The following LSAMP variants were observed in gnomAD, a reference collection of about 807,000 sequenced individuals.
LSAMP encodes the protein limbic system associated membrane protein.
A neutral mutation model predicts 38.6 loss-of-function variants in LSAMP; 7 were observed. The ratio of observed to expected loss-of-function variants is 0.18; its 90% CI spans 0.10 to 0.34. LSAMP has a LOEUF of 0.34. Among genes scored for constraint, LSAMP ranks in the 10% least tolerant of loss-of-function variants. The pLI, the probability that LSAMP is intolerant of heterozygous loss-of-function variation, is 1.00. For missense variants in LSAMP, 313 were observed against 420.0 expected, an observed-to-expected ratio of 0.75 and a Z score of 2.23; for synonymous variants, 154 against 166.8, an observed-to-expected ratio of 0.92 and a Z score of 0.59.
intron 1 of LSAMP, among the ~76,000 whole-genome samples, chr3:116,091,802 TA>T (rs1297863232): frequency 1.3e-5 from 2 of 152,246 alleles, no homozygotes; most frequent in Non-Finnish European, 2.9e-5. Flanking sequence ...AACCGGACCC[TA>T]ATGACAATGG....
chr3:115,895,145 C>T (rs1431799765), intron 3 of LSAMP, among the ~76,000 whole-genome samples: 4 of 152,076 alleles, frequency 2.6e-5, no homozygotes, highest in Non-Finnish European at 5.9e-5. Flanking sequence ...TAAATGCAGG[C>T]TTTTGTCCTT....
chr3:115,919,474 T>C (rs1030661124), intron 3 of LSAMP, among the ~76,000 whole-genome samples: 1 of 152,134 alleles, frequency 6.6e-6, no homozygotes, highest in East Asian at 1.9e-4. Context: ...GAGGTCAGGT[T>C]TGGGTTGAGC....
At chr3:116,319,686 C>T (rs1211169764) in intron 1 of LSAMP, among the ~76,000 whole-genome samples, 1 of 152,144 alleles carries the variant, frequency 6.6e-6, no homozygotes, top group Non-Finnish European at 1.5e-5. Context: ...GGTCAGCTCA[C>T]TAGCCTCAGG....
At chr3:116,137,504 T>C (rs140328518) in intron 1 of LSAMP, among the ~76,000 whole-genome samples, 2 of 152,282 alleles carry the variant, frequency 1.3e-5, no homozygotes, top group East Asian at 3.9e-4. Flanking sequence ...TTAAGAAACT[T>C]ACACTAGTTA....
At chr3:116,124,235 A>T (rs967213601) in intron 1 of LSAMP, among the ~76,000 whole-genome samples, 4 of 152,032 alleles carry the variant, frequency 2.6e-5, no homozygotes, top group Non-Finnish European at 5.9e-5. Context: ...TGTTGTAAAA[A>T]TTTTTTCCAT....
At chr3:116,210,662 A>C (rs1038822597) in intron 1 of LSAMP, among the ~76,000 whole-genome samples, 11 of 152,292 alleles carry the variant, frequency 7.2e-5, no homozygotes, top group East Asian at 3.9e-4. Context: ...CAATTCTCCT[A>C]ATAAACTCCC....
chr3:116,236,897 T>A (rs2046471591), intron 1 of LSAMP, among the ~76,000 whole-genome samples: 14 of 151,808 alleles, frequency 9.2e-5, no homozygotes, highest in Admixed American at 9.2e-4. Flanking sequence ...CTATACTAGA[T>A]GACTTATAAG....
chr3:116,176,128 T>C (rs1267961773), intron 1 of LSAMP, among the ~76,000 whole-genome samples: 2 of 152,090 alleles, frequency 1.3e-5, no homozygotes, highest in African/African-American at 4.8e-5. Flanking sequence ...AGTTCAGTCA[T>C]TATCCTCACT....
intron 1 of LSAMP, among the ~76,000 whole-genome samples, chr3:116,089,558 C>T (rs1204725375): frequency 2.0e-5 from 3 of 152,152 alleles, no homozygotes; most frequent in African/African-American, 7.2e-5. Context: ...GGGGTTTCAG[C>T]GTGTTAGCCA....
At chr3:116,184,217 T>C (rs1303590052) in intron 1 of LSAMP, among the ~76,000 whole-genome samples, 2 of 151,914 alleles carry the variant, frequency 1.3e-5, no homozygotes, top group South Asian at 2.1e-4. Flanking sequence ...AAACTTTGCA[T>C]GTATCAACTA....
intron 3 of LSAMP, among the ~76,000 whole-genome samples, chr3:115,975,089 T>C (rs1301020388): frequency 6.6e-6 from 1 of 152,134 alleles, no homozygotes; most frequent in Non-Finnish European, 1.5e-5. Flanking sequence ...TGGAAGATTA[T>C]GGATCCTATT....
intron 1 of LSAMP, among the ~76,000 whole-genome samples, chr3:116,420,822 A>G (rs2049112355): frequency 6.6e-6 from 1 of 152,102 alleles, no homozygotes; most frequent in Admixed American, 6.5e-5. Flanking sequence ...GGTCACAGTG[A>G]GTGGAGCTCA....
intron 1 of LSAMP, among the ~76,000 whole-genome samples, chr3:116,339,624 C>A (rs1038535943): frequency 6.6e-6 from 1 of 151,944 alleles, no homozygotes; most frequent in Non-Finnish European, 1.5e-5. Context: ...GGAGGTGATA[C>A]TCGGTGATTT....
chr3:116,010,109 G>C (rs1167026013), intron 3 of LSAMP, among the ~76,000 whole-genome samples: 1 of 152,090 alleles, frequency 6.6e-6, no homozygotes, highest in Non-Finnish European at 1.5e-5. Flanking sequence ...TAGAGATGGG[G>C]TTTCACCATG....
At position 116,221,442 on chromosome 3, in the gene LSAMP, G is replaced by T. The variant is rs143973938; in HGVS notation, c.156-134886C>A. ...CCCATCCCAGCTCTGAACTAGCTAC[G>T]CTCTGAACTAGCTAGGGAAGTCATT... On this transcript the variant is annotated intron_variant, in intron 1 of 6. Transcript: ENST00000490035. Among the ~76,000 whole-genome samples, 3 of 152,204 alleles carry T rather than the reference G, an allele frequency of 2.0e-5. No homozygotes were observed. In the South Asian group the frequency reaches 6.2e-4, roughly 32 times the overall value.
intron 3 of LSAMP, among the ~76,000 whole-genome samples, chr3:115,890,236 A>AT (rs1200807503): frequency 1.3e-5 from 2 of 151,956 alleles, no homozygotes; most frequent in Non-Finnish European, 2.9e-5. Flanking sequence ...TCTCTGGGAC[A>AT]TTTTGCAAAC....
chr3:116,200,933 A>G (rs1372030366), intron 1 of LSAMP, among the ~76,000 whole-genome samples: 3 of 152,176 alleles, frequency 2.0e-5, no homozygotes, highest in Non-Finnish European at 2.9e-5. Context: ...AAACTCTTCA[A>G]GGGAAACATT....
At chr3:116,407,057 AT>A (rs1393440694) in intron 1 of LSAMP, among the ~76,000 whole-genome samples, 2 of 151,998 alleles carry the variant, frequency 1.3e-5, no homozygotes. Context: ...CACTAATTGA[AT>A]TTTTTTAATT....
intron 1 of LSAMP, among the ~76,000 whole-genome samples, chr3:116,276,697 A>G (rs2047058197): frequency 1.3e-5 from 2 of 151,420 alleles, no homozygotes; most frequent in African/African-American, 4.9e-5. Flanking sequence ...AAAAAAAAAA[A>G]GAAAACAGGG....
Sources: gnomAD v4.1 joint callset for allele counts (sites outside exome capture counted in the v4.1 genomes callset) on GRCh38, gnomAD v4.1.1 for gene constraint, MANE v1.5 for transcripts, NCBI Gene and HGNC (gene_info 2026-07-23, HGNC 2026-07-21) for gene names.